The following AK7 variants were observed in gnomAD, a reference collection of about 807,000 sequenced individuals.
The protein encoded by AK7 is adenylate kinase 7, also known as ATP-AMP transphosphorylase 7.
Under a neutral mutation model 96.6 loss-of-function variants are expected in AK7, and 78 were observed. That is an observed-to-expected ratio of 0.81 (90% CI 0.67 to 0.97). The LOEUF is 0.97. Ranked by LOEUF, AK7 falls within the 50% of genes least tolerant of loss-of-function variation. AK7 has a pLI of 0.00. For missense variants in AK7, 855 were observed against 887.9 expected (o/e 0.96, Z 0.47); for synonymous variants, 302 against 317.2 (o/e 0.95, Z 0.51).
At chr14:96,402,878 C>T (rs1345179611) in intron 2 of AK7, among the ~76,000 whole-genome samples, 1 of 151,982 alleles carries the variant, frequency 6.6e-6, no homozygotes, top group Non-Finnish European at 1.5e-5. Context: ...GCCTGTAATC[C>T]CAGTACTTTG....
intron 5 of AK7, among the ~76,000 whole-genome samples, chr14:96,435,104 C>T (rs965299200): frequency 6.6e-6 from 1 of 152,096 alleles, no homozygotes; most frequent in Non-Finnish European, 1.5e-5. Context: ...TAACTTTGGC[C>T]ATGCTGGCAC....
intron 5 of AK7, among the ~76,000 whole-genome samples, chr14:96,427,424 A>G (rs1025087901): frequency 6.6e-6 from 1 of 152,216 alleles, no homozygotes; most frequent in Non-Finnish European, 1.5e-5. Context: ...CAGCTGCTAC[A>G]CACTTTTATA....
intron 15 of AK7, among the ~76,000 whole-genome samples, chr14:96,481,379 C>T (rs1327868939): frequency 1.3e-5 from 2 of 152,098 alleles, no homozygotes; most frequent in Non-Finnish European, 2.9e-5. Flanking sequence ...CAGAATCTCC[C>T]TCTGTCACCC....
At chr14:96,396,364 C>T (rs1305534404) in intron 1 of AK7, among the ~76,000 whole-genome samples, 3 of 152,210 alleles carry the variant, frequency 2.0e-5, no homozygotes, top group Admixed American at 6.5e-5. Flanking sequence ...AGCTGTGTCT[C>T]GTCGTTAGGC....
At chr14:96,484,233 C>A (rs1305601795) in intron 16 of AK7, among the ~76,000 whole-genome samples, 1 of 152,034 alleles carries the variant, frequency 6.6e-6, no homozygotes, top group African/African-American at 2.4e-5. Context: ...CAGAGTGAGA[C>A]CCTGTCTCAA....
Position 96,456,335 on chromosome 14 carries a change from C to A in AK7, c.1099-12C>A. ...GAGCTTGCTGTATGTTCCTTACTCT[C>A]TCCTCTTTCAGCCAATCAAGATCTG... On this transcript the variant is annotated splice_polypyrimidine_tract_variant and intron_variant, in intron 10 of 17. Coordinates refer to ENST00000267584, the MANE Select transcript of AK7 (RefSeq NM_152327.5). 6.3e-7 allele frequency: 1 copy of A among 1,594,690 alleles called. No homozygotes were observed.
At chr14:96,432,611 T>G (rs1409348413) in intron 5 of AK7, among the ~76,000 whole-genome samples, 1 of 152,154 alleles carries the variant, frequency 6.6e-6, no homozygotes, top group Non-Finnish European at 1.5e-5. Context: ...TTTGCTTGTC[T>G]GTAAAGGATT....
intron 4 of AK7, among the ~76,000 whole-genome samples, chr14:96,419,676 T>C (rs1038545234): frequency 6.6e-6 from 1 of 151,990 alleles, no homozygotes; most frequent in Non-Finnish European, 1.5e-5. Context: ...CTTTATGGAA[T>C]CTCAGTGGCA....
In AK7 at chr14:96,458,183, G is replaced by A; in HGVS notation, c.1328G>A (p.Gly443Asp). 6.2e-7 allele frequency: 1 copy of A among 1,613,924 alleles called. No homozygotes were observed. Reference sequence around the variant, plus strand: ...GAAGATGCACAGGAGCTCCTAGATGGCATCAAGGAGAGCATGGAGCAGAAT... The same window carrying A: ...GAAGATGCACAGGAGCTCCTAGATGACATCAAGGAGAGCATGGAGCAGAAT... ...NVEDAQELLD[G>D]IKESMEQNAG... The change falls in exon 12 of 18, where the codon GGC becomes GAC. Residue 443 changes from glycine (G) to aspartate (D), a missense_variant. Physicochemically the swap from Gly to Asp is moderately conservative, Grantham distance 94 (BLOSUM62 -1). Coordinates refer to ENST00000267584, the MANE Select transcript of AK7 (RefSeq NM_152327.5).
intron 8 of AK7, among the ~76,000 whole-genome samples, chr14:96,447,817 C>T (rs1248616076): frequency 1.3e-5 from 2 of 152,116 alleles, no homozygotes; most frequent in Non-Finnish European, 2.9e-5. Flanking sequence ...GGACAGCTTC[C>T]TCTTCCAGTC....
chr14:96,442,622 A>G, intron 6 of AK7, 108 bp from the exon 7 acceptor site: 1 of 843,550 alleles, frequency 1.2e-6, no homozygotes. Flanking sequence ...AAATTACTTA[A>G]GCAGATAGCT....
At chr14:96,432,599 C>A (rs1043891711) in intron 5 of AK7, among the ~76,000 whole-genome samples, 2 of 152,080 alleles carry the variant, frequency 1.3e-5, no homozygotes, top group African/African-American at 4.8e-5. Context: ...AGTCTCTCAG[C>A]ATTTGCTTGT....
intron 2 of AK7, among the ~76,000 whole-genome samples, chr14:96,400,837 A>C (rs1890368085): frequency 2.0e-5 from 3 of 152,254 alleles, no homozygotes; most frequent in Admixed American, 2.0e-4. Flanking sequence ...AATTTCCCGC[A>C]GGCTGAGGAG....
intron 5 of AK7, among the ~76,000 whole-genome samples, chr14:96,431,122 T>TA (rs1351648790): frequency 2.0e-5 from 3 of 152,228 alleles, no homozygotes; most frequent in Non-Finnish European, 4.4e-5. Flanking sequence ...TTGTCATTTT[T>TA]ATTGCATCTA....
intron 6 of AK7, among the ~76,000 whole-genome samples, chr14:96,442,104 G>T (rs1428437742): frequency 6.6e-6 from 1 of 152,122 alleles, no homozygotes; most frequent in Non-Finnish European, 1.5e-5. Context: ...TCTAATATGT[G>T]ACACTTAAAC....
At chr14:96,468,736 G>T (rs1894723379) in intron 12 of AK7, among the ~76,000 whole-genome samples, 1 of 152,094 alleles carries the variant, frequency 6.6e-6, no homozygotes, top group African/African-American at 2.4e-5. Flanking sequence ...CTGCTCAGGG[G>T]AGCAGCTCTC....
At chr14:96,446,453 T>A (rs1283706953) in intron 7 of AK7, 64 bp from the exon 8 acceptor site, 7 of 1,418,222 alleles carry the variant, frequency 4.9e-6, no homozygotes, top group Non-Finnish European at 7.0e-6. Context: ...GGTCAGTGAA[T>A]TCTAGTTTAC....
intron 5 of AK7, among the ~76,000 whole-genome samples, chr14:96,423,509 A>G (rs915590172): frequency 1.3e-5 from 2 of 152,226 alleles, no homozygotes; most frequent in African/African-American, 4.8e-5. Flanking sequence ...AACATAAAAC[A>G]GAGTGAGTGA....
chr14:96,480,415 G>A (rs1261874851), intron 15 of AK7, among the ~76,000 whole-genome samples: 3 of 151,638 alleles, frequency 2.0e-5, no homozygotes, highest in Admixed American at 1.3e-4. Flanking sequence ...CTGGGTGACA[G>A]TGAGACTCTG....
Sources: gnomAD v4.1 joint callset for allele counts (sites outside exome capture counted in the v4.1 genomes callset) on GRCh38, gnomAD v4.1.1 for gene constraint, MANE v1.5 for transcripts, NCBI Gene and HGNC (gene_info 2026-07-23, HGNC 2026-07-21) for gene names.